The following RALGPS1 variants were observed in gnomAD, a reference collection of about 807,000 sequenced individuals.
The protein encoded by RALGPS1 is ras-specific guanine nucleotide-releasing factor RalGPS1.
RALGPS1 carries 19 observed loss-of-function variants against 78.8 expected under a neutral mutation model. The ratio of observed to expected loss-of-function variants is 0.24; its 90% CI spans 0.17 to 0.35. The LOEUF (loss-of-function observed/expected upper bound fraction) is 0.35. Ranked by LOEUF, RALGPS1 falls within the 10% of genes least tolerant of loss-of-function variation. RALGPS1 has a pLI of 1.00. For missense variants in RALGPS1, 454 were observed against 688.3 expected, an observed-to-expected ratio of 0.66 and a Z score of 3.81; for synonymous variants, 228 against 256.3, an observed-to-expected ratio of 0.89 and a Z score of 1.06.
At position 127,183,258 on chromosome 9, in the gene RALGPS1, A is replaced by G. The variant is rs1208250229; in HGVS notation, c.910+8476A>G. Reference sequence around the variant, plus strand: ...CACAGGGCCTTCTAGCTGGCAGCCGATATCGCTGATGCTTCTTCTCCCAGG... The same window carrying G: ...CACAGGGCCTTCTAGCTGGCAGCCGGTATCGCTGATGCTTCTTCTCCCAGG... On this transcript the variant is annotated intron_variant, in intron 11 of 18. Transcript: ENST00000259351. This position sits in a 1 kb window ranked among gnomAD's most constrained non-coding sequence, Gnocchi z 4.0. Among the ~76,000 whole-genome samples, 3 of 152,182 alleles carry G rather than the reference A, an allele frequency of 2.0e-5. No homozygotes were observed. Among genetic ancestry groups the G allele is most frequent in the African/African-American group, 2.4e-5 (1 of 41,452 alleles).
At chr9:126,970,058 A>G (rs1178514486) in intron 3 of RALGPS1, among the ~76,000 whole-genome samples, 1 of 152,190 alleles carries the variant, frequency 6.6e-6, no homozygotes, top group African/African-American at 2.4e-5. Flanking sequence ...AAACCCAGTG[A>G]AAGAATTATT....
chr9:127,161,629 A>T (rs2059025101), intron 8 of RALGPS1, among the ~76,000 whole-genome samples: 1 of 152,192 alleles, frequency 6.6e-6, no homozygotes, highest in East Asian at 1.9e-4. Flanking sequence ...GGTAGATGGC[A>T]CAGGGGAGGC....
rs779745557 is a variant in RALGPS1 at position 127,034,425 on chromosome 9, TC to T, written c.217-4del. The T allele has an allele frequency of 2.3e-5, 37 of 1,613,334 alleles. No individual in the cohort carries two copies. The South Asian group carries it at 3.3e-4, about 14-fold the overall frequency. ...TCACTGTTGAAATTCATTCTGTGCT[TC>T]CTAGGAACTAGCCAGCTGTGGATGG... On this transcript the variant is annotated splice_polypyrimidine_tract_variant and splice_region_variant and intron_variant, in intron 4 of 18. Transcript: ENST00000259351.
In RALGPS1 at chr9:126,954,096, G is replaced by A. The variant is rs978665106; in HGVS notation, c.-65-8129G>A. On this transcript the variant is annotated intron_variant, in intron 1 of 18. Transcript: ENST00000259351. ...ACCCAGCTCAGTGGTTCTTCTCAGC[G>A]ATGTCTTCTTTGACCCCCAAAGGCA... Among the ~76,000 whole-genome samples, 18 of 152,128 alleles carry A rather than the reference G, an allele frequency of 1.2e-4. 1 individual carries two copies. The highest frequency in any genetic ancestry group is 4.4e-5 in the Non-Finnish European group (3 of 68,018).
chr9:127,004,769 C>T (rs2043675186), intron 4 of RALGPS1, among the ~76,000 whole-genome samples: 1 of 152,134 alleles, frequency 6.6e-6, no homozygotes, highest in South Asian at 2.1e-4. Flanking sequence ...ATTTAGCCTG[C>T]AATGATAGGC....
intron 4 of RALGPS1, among the ~76,000 whole-genome samples, chr9:126,999,372 G>T (rs1177230571): frequency 2.0e-5 from 3 of 152,018 alleles, no homozygotes; most frequent in Non-Finnish European, 4.4e-5. Context: ...GTTAATTCGT[G>T]GTGTTGTGCA....
chr9:126,917,046 AT>A (rs1000462614), intron 1 of RALGPS1, among the ~76,000 whole-genome samples: 34 of 147,610 alleles, frequency 2.3e-4, no homozygotes, highest in African/African-American at 4.5e-4. Flanking sequence ...ACTAACCTGA[AT>A]TTTTTTTTTT....
intron 8 of RALGPS1, among the ~76,000 whole-genome samples, chr9:127,086,883 A>G (rs189885651): frequency 1.2e-4 from 19 of 152,290 alleles, no homozygotes; most frequent in Middle Eastern, 3.4e-3. Flanking sequence ...AGCCTGGTGC[A>G]GTAGTTGAAG....
chr9:127,187,884 T>A (rs2060754477), intron 11 of RALGPS1, among the ~76,000 whole-genome samples: 1 of 152,210 alleles, frequency 6.6e-6, no homozygotes. Flanking sequence ...TGAGCAGAGT[T>A]TCTTCCCCCG....
intron 4 of RALGPS1, among the ~76,000 whole-genome samples, chr9:126,980,229 A>G (rs1365996613): frequency 6.6e-6 from 1 of 152,206 alleles, no homozygotes; most frequent in East Asian, 1.9e-4. Flanking sequence ...GGACCACCCC[A>G]GAGTTGGAAG....
chr9:127,020,647 G>A (rs1321515167), intron 4 of RALGPS1, among the ~76,000 whole-genome samples: 4 of 152,300 alleles, frequency 2.6e-5, no homozygotes, highest in South Asian at 4.1e-4. Context: ...ATGTATTAAG[G>A]ACAAAAGCAG....
At chr9:126,958,713 T>C (rs1189216563) in intron 1 of RALGPS1, among the ~76,000 whole-genome samples, 1 of 152,232 alleles carries the variant, frequency 6.6e-6, no homozygotes, top group Non-Finnish European at 1.5e-5. Flanking sequence ...TTATGAATAA[T>C]GGTGCTATAA....
At chr9:127,096,567 G>A (rs1223301112) in intron 8 of RALGPS1, among the ~76,000 whole-genome samples, 1 of 152,214 alleles carries the variant, frequency 6.6e-6, no homozygotes, top group Non-Finnish European at 1.5e-5. Context: ...GGCTCCAGCT[G>A]GGGCTGCCTT....
intron 8 of RALGPS1, among the ~76,000 whole-genome samples, chr9:127,140,834 A>G (rs1431311556): frequency 2.0e-5 from 3 of 152,202 alleles, no homozygotes; most frequent in Non-Finnish European, 4.4e-5. Context: ...GCGAGGGTGG[A>G]ACATGGAGGT....
At chr9:127,100,021 T>G (rs142078329) in intron 8 of RALGPS1, among the ~76,000 whole-genome samples, 74 of 152,368 alleles carry the variant, frequency 4.9e-4, no homozygotes, top group African/African-American at 1.7e-3. Flanking sequence ...GTAATTAAAT[T>G]ACTACAAAGT....
At chr9:126,983,545 G>T (rs10987536) in intron 4 of RALGPS1, among the ~76,000 whole-genome samples, 10 of 151,904 alleles carry the variant, frequency 6.6e-5, no homozygotes, top group African/African-American at 2.4e-4. Flanking sequence ...AATTCTTTAG[G>T]ATCAAATTGG....
chr9:126,948,414 G>A (rs1588586254), intron 1 of RALGPS1, among the ~76,000 whole-genome samples: 1 of 152,166 alleles, frequency 6.6e-6, no homozygotes, highest in East Asian at 1.9e-4. Context: ...CTACTTGGGA[G>A]GCGGAGGCAG....
chr9:126,930,087 T>G (rs2035657560), intron 1 of RALGPS1, among the ~76,000 whole-genome samples: 1 of 152,016 alleles, frequency 6.6e-6, no homozygotes, highest in Admixed American at 6.6e-5. Context: ...TGCCTCAGCC[T>G]TCTGAGAATC....
chr9:126,993,648 T>G (rs1426055590), intron 4 of RALGPS1, among the ~76,000 whole-genome samples: 1 of 152,084 alleles, frequency 6.6e-6, no homozygotes, highest in Admixed American at 6.6e-5. Context: ...GATGGGTGAT[T>G]TCTGCATTTC....
Sources: allele counts gnomAD v4.1 joint callset (sites outside exome capture counted in the v4.1 genomes callset), GRCh38; gene constraint gnomAD v4.1.1; non-coding constraint Gnocchi (gnomAD v3.1); transcripts MANE v1.5; gene names NCBI Gene and HGNC (gene_info 2026-07-23, HGNC 2026-07-21).